LRRC37A2: variants seen among roughly 807,000 people sequenced by gnomAD.
The protein encoded by LRRC37A2 is leucine rich repeat containing 37 member A2, also known as leucine-rich repeat-containing protein 37A2.
Under a neutral mutation model 68.8 loss-of-function variants are expected in LRRC37A2, and 9 were observed. The ratio of observed to expected loss-of-function variants is 0.13; its 90% confidence interval spans 0.08 to 0.23. The LOEUF (loss-of-function observed/expected upper bound fraction) is 0.23, where lower values mean the gene tolerates loss of function less well. Ranked by LOEUF, LRRC37A2 falls within the 10% of genes least tolerant of loss-of-function variation. LRRC37A2 has a pLI of 1.00. For synonymous variants in LRRC37A2, 63 were observed against 367.6 expected, an observed-to-expected ratio of 0.17 and a Z score of 9.48; for missense variants, 168 against 950.4, an observed-to-expected ratio of 0.18 and a Z score of 10.82.
chr17:46,872,483 G>A, the LRRC37A2 span: 4 of 1,457,694 alleles, frequency 2.7e-6, no homozygotes, highest in African/African-American at 4.3e-5. Context: ...CCATCCCCAA[G>A]GCTCACCTGT....
chr17:47,019,515 C>T, the LRRC37A2 span: 2 of 1,535,028 alleles, frequency 1.3e-6, no homozygotes, highest in African/African-American at 1.4e-5. Flanking sequence ...GACTACAGCT[C>T]CTCATCCAGA....
the LRRC37A2 span, chr17:46,749,749 A>T: frequency 6.2e-7 from 1 of 1,602,504 alleles, no homozygotes; most frequent in Non-Finnish European, 8.5e-7. Flanking sequence ...TGTACATTTT[A>T]ACACATTTTC....
chr17:46,635,059 AAC>A, the LRRC37A2 span, among the ~76,000 whole-genome samples: 15 of 74,654 alleles, frequency 2.0e-4, no homozygotes, highest in African/African-American at 9.9e-4. Context: ...AGTGTGAAAA[AAC>A]AGTCTTTGTT....
chr17:46,890,285 C>T, the LRRC37A2 span, among the ~76,000 whole-genome samples: 18 of 152,208 alleles, frequency 1.2e-4, no homozygotes, highest in East Asian at 1.2e-3. Context: ...AAGTGCTCCA[C>T]GAGGGACAAG....
At chr17:46,891,020 A>T in the LRRC37A2 span, among the ~76,000 whole-genome samples, 3 of 152,128 alleles carry the variant, frequency 2.0e-5, no homozygotes, top group Non-Finnish European at 4.4e-5. Context: ...CCCTTGCCTG[A>T]GGCTGGAAAG....
At chr17:46,815,512 T>G in the LRRC37A2 span, among the ~76,000 whole-genome samples, 1 of 152,060 alleles carries the variant, frequency 6.6e-6, no homozygotes, top group African/African-American at 2.4e-5. Flanking sequence ...AAGATGGGCT[T>G]AGATGCTCAA....
chr17:46,836,097 T>C, the LRRC37A2 span, among the ~76,000 whole-genome samples: 10 of 107,484 alleles, frequency 9.3e-5, no homozygotes, highest in African/African-American at 2.7e-4. Context: ...GACGCTGACG[T>C]GTGTGTGTGT....
At chr17:46,992,412 C>T in the LRRC37A2 span, among the ~76,000 whole-genome samples, 2 of 152,028 alleles carry the variant, frequency 1.3e-5, no homozygotes, top group Non-Finnish European at 2.9e-5. Context: ...GGTTTGGCTG[C>T]GTACTGAAAC....
chr17:46,727,374 G>A, the LRRC37A2 span, among the ~76,000 whole-genome samples: 1 of 152,218 alleles, frequency 6.6e-6, no homozygotes, highest in Non-Finnish European at 1.5e-5. Flanking sequence ...AATGGCTCAG[G>A]AAGGGGTAAT....
chr17:46,470,528 G>T, the LRRC37A2 span, among the ~76,000 whole-genome samples: 2 of 81,454 alleles, frequency 2.5e-5, 1 homozygote, highest in African/African-American at 7.1e-5. Context: ...AAACTTTATT[G>T]GGAAGCTGGG....
chr17:46,869,229 G>T, the LRRC37A2 span, among the ~76,000 whole-genome samples: 1 of 152,164 alleles, frequency 6.6e-6, no homozygotes, highest in Non-Finnish European at 1.5e-5. Flanking sequence ...TAACCGACTT[G>T]ATACTGGACT....
the LRRC37A2 span, among the ~76,000 whole-genome samples, chr17:46,727,279 G>A: frequency 6.6e-6 from 1 of 152,130 alleles, no homozygotes; most frequent in Non-Finnish European, 1.5e-5. Context: ...TAACTCATAA[G>A]AAATAAACTG....
At chr17:46,389,496 A>C in the LRRC37A2 span, among the ~76,000 whole-genome samples, 1 of 52,186 alleles carries the variant, frequency 1.9e-5, no homozygotes, top group Non-Finnish European at 3.9e-5. Context: ...GAACCTAATA[A>C]TTGCCTCAAT....
the LRRC37A2 span, among the ~76,000 whole-genome samples, chr17:46,990,200 C>G: frequency 6.6e-6 from 1 of 152,136 alleles, no homozygotes; most frequent in Non-Finnish European, 1.5e-5. Context: ...AGGGTGAAGT[C>G]CCAGACACAG....
the LRRC37A2 span, among the ~76,000 whole-genome samples, chr17:46,388,436 C>G: frequency 5.0e-5 from 3 of 59,862 alleles, no homozygotes; most frequent in Non-Finnish European, 8.9e-5. Flanking sequence ...GTGGCGCATG[C>G]CTGTAATCCC....
At chr17:46,388,384 A>T in the LRRC37A2 span, among the ~76,000 whole-genome samples, 1 of 61,542 alleles carries the variant, frequency 1.6e-5, no homozygotes, top group African/African-American at 4.9e-5. Flanking sequence ...CCTCGTCTCT[A>T]CTAAAAATAC....
At chr17:46,492,609 C>T in the LRRC37A2 span, among the ~76,000 whole-genome samples, 1 of 149,864 alleles carries the variant, frequency 6.7e-6, no homozygotes, top group African/African-American at 2.5e-5. Flanking sequence ...TACCATTTTG[C>T]ATTCTTACCT....
At chr17:46,409,302 CT>C in the LRRC37A2 span, among the ~76,000 whole-genome samples, 161 of 134,660 alleles carry the variant, frequency 1.2e-3, no homozygotes, top group Middle Eastern at 7.6e-3. Context: ...TTTTTTTTTT[CT>C]TTTTTTTTTT....
At chr17:46,882,782 C>T in the LRRC37A2 span, among the ~76,000 whole-genome samples, 1 of 152,164 alleles carries the variant, frequency 6.6e-6, no homozygotes, top group Non-Finnish European at 1.5e-5. Context: ...GTCCTAGATG[C>T]CATGGTAATG....
Sources: allele counts gnomAD v4.1 joint callset (sites outside exome capture counted in the v4.1 genomes callset), GRCh38; gene constraint gnomAD v4.1.1; transcripts MANE v1.5; gene names NCBI Gene and HGNC (gene_info 2026-07-23, HGNC 2026-07-21).